JARID2: variants seen among roughly 807,000 people sequenced by gnomAD.
JARID2 encodes the protein jumonji and AT-rich interaction domain containing 2, also known as protein Jumonji.
Under a neutral mutation model 125.6 loss-of-function variants are expected in JARID2, and 21 were observed. That is an observed-to-expected ratio of 0.17 (90% CI 0.12 to 0.24). The LOEUF (loss-of-function observed/expected upper bound fraction) is 0.24, where lower values mean the gene tolerates loss of function less well. JARID2 is among the 10% of genes least tolerant of loss of function. The pLI is 1.00. For synonymous variants in JARID2, 736 were observed against 661.6 expected (o/e 1.11, Z -1.73); for missense variants, 1,303 against 1,639.6 (o/e 0.79, Z 3.55).
At chr6:15,288,744 G>A (rs1390956081) in intron 1 of JARID2, among the ~76,000 whole-genome samples, 1 of 152,162 alleles carries the variant, frequency 6.6e-6, no homozygotes, top group Non-Finnish European at 1.5e-5. Context: ...TCCCTCCTAA[G>A]ACCCCTTTGA....
intron 3 of JARID2, among the ~76,000 whole-genome samples, chr6:15,436,531 C>G (rs980892165): frequency 6.6e-6 from 1 of 152,102 alleles, no homozygotes; most frequent in African/African-American, 2.4e-5. Context: ...TCAGGGTGGT[C>G]TTGGAAAATG....
chr6:15,287,717 G>A (rs1246689029), intron 1 of JARID2, among the ~76,000 whole-genome samples: 3 of 152,178 alleles, frequency 2.0e-5, no homozygotes, highest in African/African-American at 7.2e-5. Flanking sequence ...TGTCAGGGGA[G>A]TCTTACCTTG....
chr6:15,334,543 A>G (rs1380137411), intron 1 of JARID2, among the ~76,000 whole-genome samples: 2 of 152,154 alleles, frequency 1.3e-5, no homozygotes, highest in Non-Finnish European at 2.9e-5. Flanking sequence ...CATAATTTTT[A>G]CAGCAGTTTT....
At chr6:15,324,851 A>G (rs1424063724) in intron 1 of JARID2, among the ~76,000 whole-genome samples, 1 of 143,666 alleles carries the variant, frequency 7.0e-6, no homozygotes, top group African/African-American at 2.6e-5. Flanking sequence ...TTTGTTATTA[A>G]AAAAAAAAAA....
intron 1 of JARID2, among the ~76,000 whole-genome samples, chr6:15,333,923 T>C (rs1762798052): frequency 6.6e-6 from 1 of 152,172 alleles, no homozygotes; most frequent in South Asian, 2.1e-4. Context: ...CCTATCAGGA[T>C]GTTCTGGAGA....
intron 5 of JARID2, among the ~76,000 whole-genome samples, chr6:15,485,672 C>T (rs373936342): frequency 6.6e-6 from 1 of 152,030 alleles, no homozygotes; most frequent in Non-Finnish European, 1.5e-5. Flanking sequence ...AGAAGATATA[C>T]GGAAGGGTAG....
At chr6:15,366,666 G>A (rs76274622) in intron 1 of JARID2, among the ~76,000 whole-genome samples, 2 of 152,164 alleles carry the variant, frequency 1.3e-5, no homozygotes, top group East Asian at 1.9e-4. Context: ...CCATCAATTC[G>A]AAGGCGATTT....
intron 2 of JARID2, among the ~76,000 whole-genome samples, chr6:15,374,514 A>C (rs1764280275): frequency 6.6e-6 from 1 of 152,152 alleles, no homozygotes; most frequent in Admixed American, 6.5e-5. Context: ...TTCTATATGT[A>C]TGTCTTTCCA....
chr6:15,455,835 G>T (rs187290709), intron 4 of JARID2, among the ~76,000 whole-genome samples: 2 of 152,332 alleles, frequency 1.3e-5, no homozygotes, highest in African/African-American at 4.8e-5. Context: ...GCGAAGCCAG[G>T]TTCTTTAAAG....
intron 1 of JARID2, among the ~76,000 whole-genome samples, chr6:15,325,246 C>T (rs1654406726): frequency 1.3e-5 from 2 of 152,032 alleles, no homozygotes; most frequent in Non-Finnish European, 2.9e-5. Context: ...TAAGAACTTT[C>T]GAATTGAGAC....
chr6:15,515,907 C>T (rs1414241492), intron 16 of JARID2, among the ~76,000 whole-genome samples: 2 of 151,080 alleles, frequency 1.3e-5, no homozygotes, highest in Admixed American at 6.6e-5. Flanking sequence ...TGATGTTGAG[C>T]GCCTGTAGTC....
At position 15,520,768 on chromosome 6, in the gene JARID2, T is replaced by G. The variant is rs761068212; in HGVS notation, c.*517T>G. On this transcript the variant is annotated 3_prime_UTR_variant, in exon 18 of 18. Transcript: ENST00000341776. The stretch of plus-strand genomic sequence containing the variant: ...TGCCGTGTGCCAGATGAGCTTGTGA[T>G]CTGGGAAGCCGGGGCACCCCCGTTT... The G allele has an allele frequency of 4.4e-6, 2 of 455,950 alleles. No individual in the cohort carries two copies. The highest frequency in any genetic ancestry group is 2.3e-5 in the Admixed American group (1 of 42,570). 28.2% of individuals were successfully genotyped at this position (455,950 alleles called of 1,614,324 possible).
chr6:15,363,619 A>T (rs1040369990), intron 1 of JARID2, among the ~76,000 whole-genome samples: 1 of 152,204 alleles, frequency 6.6e-6, no homozygotes, highest in African/African-American at 2.4e-5. Flanking sequence ...ACTAGTCAGA[A>T]TGTGATCTGT....
At chr6:15,412,368 G>A (rs1040875694) in intron 3 of JARID2, among the ~76,000 whole-genome samples, 1 of 152,140 alleles carries the variant, frequency 6.6e-6, no homozygotes, top group Non-Finnish European at 1.5e-5. Flanking sequence ...GAGTGTGGTG[G>A]TGCAATCTCA....
At chr6:15,312,587 CAT>C (rs1344656930) in intron 1 of JARID2, among the ~76,000 whole-genome samples, 7 of 152,178 alleles carry the variant, frequency 4.6e-5, no homozygotes, top group Non-Finnish European at 8.8e-5. Flanking sequence ...TTGTAAATGC[CAT>C]ATAGATGGAA....
intron 1 of JARID2, among the ~76,000 whole-genome samples, chr6:15,313,467 T>G (rs1762081678): frequency 6.6e-6 from 1 of 152,172 alleles, no homozygotes; most frequent in African/African-American, 2.4e-5. Context: ...TTGTGCCTCT[T>G]CACTGGTGAC....
chr6:15,376,877 C>T (rs757257789), intron 2 of JARID2, among the ~76,000 whole-genome samples: 2 of 152,168 alleles, frequency 1.3e-5, no homozygotes, highest in South Asian at 2.1e-4. Flanking sequence ...AGAGAAAGCT[C>T]ACACAGTAGG....
Position 15,512,398 on chromosome 6 carries a change from G to C in JARID2, c.3135+8G>C, listed in dbSNP as rs1581668522. 1.2e-6 allele frequency: 2 copies of C among 1,612,106 alleles called. No homozygotes were observed. The highest frequency in any genetic ancestry group is 8.5e-7 in the Non-Finnish European group (1 of 1,178,210). On this transcript the variant is annotated splice_region_variant and intron_variant, in intron 14 of 17. Coordinates refer to ENST00000341776, the MANE Select transcript of JARID2 (RefSeq NM_004973.4). ...GGCTTTGAGACCGCCAAGGTGAGCA[G>C]AGCCGGCCTCCTCCCGCTTGCTGCC... is the stretch of plus-strand genomic sequence containing the variant.
At chr6:15,257,932 T>G (rs1049319077) in intron 1 of JARID2, among the ~76,000 whole-genome samples, 2 of 152,228 alleles carry the variant, frequency 1.3e-5, no homozygotes, top group African/African-American at 4.8e-5. Context: ...CACAATGTGT[T>G]ATTAGTCAGA....
Sources: gnomAD v4.1 joint callset for allele counts (sites outside exome capture counted in the v4.1 genomes callset) on GRCh38, gnomAD v4.1.1 for gene constraint, MANE v1.5 for transcripts, NCBI Gene and HGNC (gene_info 2026-07-23, HGNC 2026-07-21) for gene names.